Variants in TOP1 observed in about 807,000 individuals in gnomAD.
The protein encoded by TOP1 is DNA topoisomerase 1.
TOP1 carries 10 observed loss-of-function variants against 111.1 expected under a neutral mutation model. That is an observed-to-expected ratio of 0.09 (90% CI 0.06 to 0.15). TOP1 has a LOEUF of 0.15. Ranked by LOEUF, TOP1 falls within the 10% of genes least tolerant of loss-of-function variation. The pLI, the probability that TOP1 is intolerant of heterozygous loss-of-function variation, is 1.00. For missense variants in TOP1, 474 were observed against 926.7 expected (o/e 0.51, Z 6.34); for synonymous variants, 271 against 302.9 (o/e 0.89, Z 1.10).
chr20:41,113,729 A>T lies in TOP1; in HGVS notation c.1453-241A>T, dbSNP rs1012149735. 1.7e-3 allele frequency among the ~76,000 whole-genome samples: 264 copies of T among 151,178 alleles called. 2 individuals carry two copies. The highest frequency in any genetic ancestry group is 4.0e-3 in the Admixed American group (60 of 15,138). ...TACTAAAAATACAAAAAAAAAAAAA[A>T]AAATAAAAATTGGCGTGGTGGCGGG... On this transcript the variant is annotated intron_variant, in intron 14 of 20. Transcript: ENST00000361337.
chr20:41,054,978 G>A (rs979517082), intron 2 of TOP1, among the ~76,000 whole-genome samples: 5 of 152,112 alleles, frequency 3.3e-5, no homozygotes, highest in African/African-American at 7.2e-5. Flanking sequence ...CAGGGAATAC[G>A]TTAGGTAACA....
chr20:41,112,972 A>C lies in TOP1; in HGVS notation c.1452+47A>C. The stretch of plus-strand genomic sequence containing the variant: ...CATTGTCTAGTGTTGAGCTTAACAA[A>C]GGGAGTTTCTGCTCTGCCCCAGGCC... On this transcript the variant is annotated intron_variant, in intron 14 of 20. Transcript: ENST00000361337. This position sits in a 1 kb window ranked among gnomAD's most constrained non-coding sequence, Gnocchi z 5.8. 3 of 1,592,810 alleles carry C rather than the reference A, an allele frequency of 1.9e-6. No individual in the cohort carries two copies. The highest frequency in any genetic ancestry group is 2.6e-6 in the Non-Finnish European group (3 of 1,167,994).
rs1174726324 is a variant in TOP1, at chr20:41,083,642, T to C, written c.508-820T>C. ...TAAGATGGTTCAAAACCACCTTTCA[T>C]TGCTATATAAAACTTGTTGAATAAA... is the stretch of plus-strand genomic sequence containing the variant. On this transcript the variant is annotated intron_variant, in intron 7 of 20. Coordinates refer to ENST00000361337, the MANE Select transcript of TOP1 (RefSeq NM_003286.4). This position sits in a 1 kb window ranked among gnomAD's most constrained non-coding sequence, Gnocchi z 7.2. 6.6e-6 allele frequency among the ~76,000 whole-genome samples: 1 copy of C among 152,222 alleles called. No homozygotes were observed. The highest frequency in any genetic ancestry group is 1.9e-4 in the East Asian group (1 of 5,200).
chr20:41,101,245 G>A lies in TOP1; in HGVS notation c.1200G>A (p.Lys400=), dbSNP rs747937612. The change falls in exon 13 of 21, where the codon AAG becomes AAA. Residue 400 remains lysine, a synonymous_variant. Transcript: ENST00000361337. The surrounding 1 kb of genome is among the most constrained non-coding windows in gnomAD (Gnocchi z 4.1). ...TTCCTTCTCCTCCTCCAGGACATAA[G>A]TGGAAAGAAGTCCGGCATGATAACA... is the stretch of plus-strand genomic sequence containing the variant. ...AKVPSPPPGH[K]WKEVRHDNKV... is the part of the protein sequence containing the mutation. 4 of 1,614,096 alleles carry A rather than the reference G, an allele frequency of 2.5e-6. No homozygotes were observed. The highest frequency in any genetic ancestry group is 3.4e-6 in the Non-Finnish European group (4 of 1,179,954).
chr20:41,093,061 T>C (rs900070393), intron 9 of TOP1, among the ~76,000 whole-genome samples: 2 of 152,230 alleles, frequency 1.3e-5, no homozygotes, highest in African/African-American at 4.8e-5. Context: ...GGTAGGCATC[T>C]GTCACCTATT....
chr20:41,060,914 G>T (rs1315635635), intron 2 of TOP1, among the ~76,000 whole-genome samples: 1 of 152,100 alleles, frequency 6.6e-6, no homozygotes, highest in African/African-American at 2.4e-5. Context: ...TCTGCAAATG[G>T]TTGAATCTAT....
At chr20:41,113,931 C>A in intron 14 of TOP1, 39 bp from the exon 15 acceptor site, 3 of 1,369,646 alleles carry the variant, frequency 2.2e-6, no homozygotes, top group Non-Finnish European at 3.1e-6. Flanking sequence ...GATCATGTCT[C>A]TTCCATTCAT....
chr20:41,081,015 A>G (rs1057143963), intron 6 of TOP1, 150 bp from the exon 7 acceptor site: 7 of 584,600 alleles, frequency 1.2e-5, no homozygotes, highest in East Asian at 3.2e-5. Context: ...TATTTTCTCT[A>G]TTTCTGTTAG....
chr20:41,033,094 T>C (rs2033141004), intron 2 of TOP1, among the ~76,000 whole-genome samples: 1 of 152,190 alleles, frequency 6.6e-6, no homozygotes, highest in Non-Finnish European at 1.5e-5. Flanking sequence ...CAATATGTGT[T>C]TTTTTAGTTT....
At chr20:41,113,840 G>A (rs573566013) in intron 14 of TOP1, 130 bp from the exon 15 acceptor site, 25 of 644,666 alleles carry the variant, frequency 3.9e-5, no homozygotes, top group African/African-American at 7.8e-5. Flanking sequence ...CCAAAATTGC[G>A]CCATTGCACT....
chr20:41,063,559 C>T (rs2033571906), intron 3 of TOP1, among the ~76,000 whole-genome samples: 1 of 152,186 alleles, frequency 6.6e-6, no homozygotes, highest in Admixed American at 6.5e-5. Flanking sequence ...TTCTCATCAA[C>T]AGTGTATAAG....
chr20:41,120,743 T>C (rs961740041), intron 18 of TOP1, among the ~76,000 whole-genome samples: 4 of 152,168 alleles, frequency 2.6e-5, no homozygotes, highest in Non-Finnish European at 5.9e-5. Context: ...CACCTCAGAC[T>C]TCTCTCCTTT....
intron 2 of TOP1, among the ~76,000 whole-genome samples, chr20:41,039,485 G>A (rs895208629): frequency 6.6e-6 from 1 of 151,068 alleles, no homozygotes; most frequent in Admixed American, 6.6e-5. Context: ...ACAAAAAATG[G>A]TTTTTTTTTG....
chr20:41,123,319 C>T lies in TOP1; in HGVS notation c.*22C>T, dbSNP rs1455746735. The T allele has an allele frequency of 6.4e-7, 1 of 1,551,884 alleles. No individual in the cohort carries two copies. On this transcript the variant is annotated 3_prime_UTR_variant, in exon 21 of 21. Coordinates refer to ENST00000361337, the MANE Select transcript of TOP1 (RefSeq NM_003286.4). The surrounding 1 kb of genome is among the most constrained non-coding windows in gnomAD (Gnocchi z 5.8). ...TTAGCCAGTCTCAAGAGGCAGAGTT[C>T]TGTGAAGAGGAACAGTGTGGTTTGG...
intron 8 of TOP1, among the ~76,000 whole-genome samples, chr20:41,085,474 G>C (rs115898507): frequency 3.3e-4 from 51 of 152,268 alleles, no homozygotes; most frequent in African/African-American, 1.2e-3. Flanking sequence ...TACTTTTGCT[G>C]TTTAGAATCT....
In TOP1 at chr20:41,079,271, G is replaced by T. The variant is rs148281568; in HGVS notation, c.336-814G>T. ...AGGCCATTTCTTGTACTAAGTTAAG[G>T]CAGTGAGGTTCTGAAGAGATGTGCC... is the stretch of plus-strand genomic sequence containing the variant. On this transcript the variant is annotated intron_variant, in intron 5 of 20. Transcript: ENST00000361337. The surrounding 1 kb of genome is among the most constrained non-coding windows in gnomAD (Gnocchi z 4.0). Among the ~76,000 whole-genome samples the T allele has an allele frequency of 9.5e-4, 144 of 152,300 alleles. No homozygotes were observed. Among genetic ancestry groups the T allele is most frequent in the African/African-American group, 3.3e-3 (138 of 41,558 alleles).
At chr20:41,077,777 A>C in intron 5 of TOP1, 140 bp downstream of exon 5, 1 of 739,236 alleles carries the variant, frequency 1.4e-6, no homozygotes, top group Non-Finnish European at 2.3e-6. Flanking sequence ...AGCAGTGAGA[A>C]GACTCGGTCT....
intron 8 of TOP1, among the ~76,000 whole-genome samples, chr20:41,085,144 GA>G (rs1284055767): frequency 6.7e-6 from 1 of 149,556 alleles, no homozygotes; most frequent in Non-Finnish European, 1.5e-5. Context: ...TTCCTAATAT[GA>G]AAAAAAGCTC....
rs2034062974 is a variant in TOP1, at chr20:41,101,439, A to T, written c.1308+86A>T. ...TGTAACGTTCTCGTCCTCTAGAATC[A>T]CTTTGACAAATTAAAAATCCTCCCC... On this transcript the variant is annotated intron_variant, in intron 13 of 20. Transcript: ENST00000361337. This position sits in a 1 kb window ranked among gnomAD's most constrained non-coding sequence, Gnocchi z 4.1. 7.3e-7 allele frequency: 1 copy of T among 1,366,374 alleles called. No homozygotes were observed. The highest frequency in any genetic ancestry group is 9.8e-7 in the Non-Finnish European group (1 of 1,015,640). 84.6% of individuals were successfully genotyped at this position (1,366,374 alleles called of 1,614,324 possible). A position where few individuals can be genotyped will look rare whatever the true frequency, so the allele number is the denominator to read the frequency against.
Sources: allele counts gnomAD v4.1 joint callset (sites outside exome capture counted in the v4.1 genomes callset), GRCh38; gene constraint gnomAD v4.1.1; non-coding constraint Gnocchi (gnomAD v3.1); transcripts MANE v1.5; gene names NCBI Gene and HGNC (gene_info 2026-07-23, HGNC 2026-07-21).